The following MYO3A variants were observed in gnomAD, a reference collection of about 807,000 sequenced individuals.
MYO3A encodes myosin-IIIa.
A neutral mutation model predicts 192.7 loss-of-function variants in MYO3A; 180 were observed. The observed-to-expected ratio is 0.93, with a 90% CI of 0.83 to 1.06. The LOEUF (loss-of-function observed/expected upper bound fraction) is 1.06, where lower values mean the gene tolerates loss of function less well. Among genes scored for constraint, MYO3A ranks in the 50% least tolerant of loss-of-function variants. MYO3A has a pLI of 0.00. For missense variants in MYO3A, 1,896 were observed against 1,905.0 expected (o/e 1.00, Z 0.09); for synonymous variants, 628 against 645.3 (o/e 0.97, Z 0.41).
At chr10:26,044,334 C>T (rs561558175) in intron 10 of MYO3A, among the ~76,000 whole-genome samples, 3 of 152,358 alleles carry the variant, frequency 2.0e-5, no homozygotes, top group Admixed American at 6.5e-5. Flanking sequence ...GAGCCCAGTT[C>T]AGCAGTAGGA....
chr10:26,084,630 A>C (rs1836189898), intron 14 of MYO3A, among the ~76,000 whole-genome samples: 1 of 152,136 alleles, frequency 6.6e-6, no homozygotes, highest in Non-Finnish European at 1.5e-5. Context: ...CAGCCTTCCA[A>C]GTAGCTGGGA....
At chr10:26,205,427 G>A (rs147232280) in intron 34 of MYO3A, among the ~76,000 whole-genome samples, 1 of 143,794 alleles carries the variant, frequency 7.0e-6, no homozygotes, top group East Asian at 2.1e-4. Flanking sequence ...CAGTGCCCTG[G>A]TAACTACTAT....
chr10:26,124,879 G>T (rs914058476), intron 18 of MYO3A, among the ~76,000 whole-genome samples: 11 of 152,146 alleles, frequency 7.2e-5, no homozygotes, highest in African/African-American at 2.7e-4. Context: ...GTACATGAAT[G>T]TCAAGTATAA....
chr10:26,195,665 G>A (rs1032766487), intron 32 of MYO3A, among the ~76,000 whole-genome samples: 3 of 152,030 alleles, frequency 2.0e-5, no homozygotes, highest in African/African-American at 4.8e-5. Flanking sequence ...AATTGTCCAC[G>A]AACATTTGTC....
chr10:26,019,834 G>A (rs185420797), intron 7 of MYO3A, among the ~76,000 whole-genome samples: 6 of 152,210 alleles, frequency 3.9e-5, no homozygotes, highest in Admixed American at 1.3e-4. Flanking sequence ...TTGTTATTAT[G>A]AGCAATATTC....
At chr10:26,061,811 A>G (rs12769263) in intron 10 of MYO3A, among the ~76,000 whole-genome samples, 71,839 of 151,934 alleles carry the variant, frequency 0.47, 17,839 homozygotes, top group Middle Eastern at 0.59. Context: ...TCCACTCCCT[A>G]TCGTTCTCCA....
chr10:26,066,430 T>A (rs1399220848), intron 10 of MYO3A, among the ~76,000 whole-genome samples: 2 of 152,226 alleles, frequency 1.3e-5, no homozygotes, highest in Admixed American at 6.5e-5. Context: ...TAAATCAAGA[T>A]CTTTATGCTG....
intron 14 of MYO3A, among the ~76,000 whole-genome samples, chr10:26,075,959 C>T (rs984600264): frequency 2.6e-5 from 4 of 151,486 alleles, no homozygotes; most frequent in Admixed American, 6.6e-5. Flanking sequence ...TATAAACAGG[C>T]GTGTGCAAGT....
intron 4 of MYO3A, among the ~76,000 whole-genome samples, chr10:25,978,714 A>C (rs1314119294): frequency 6.6e-6 from 1 of 152,218 alleles, no homozygotes; most frequent in Non-Finnish European, 1.5e-5. Context: ...TATGTAGGAA[A>C]TTACTATCTT....
chr10:26,113,314 C>CA (rs1838304098), intron 17 of MYO3A, among the ~76,000 whole-genome samples: 1 of 151,656 alleles, frequency 6.6e-6, no homozygotes, highest in African/African-American at 2.4e-5. Context: ...TTTTAAAATA[C>CA]AAAAAATTAG....
chr10:26,039,988 T>A (rs1343729787), intron 10 of MYO3A, among the ~76,000 whole-genome samples: 2 of 152,024 alleles, frequency 1.3e-5, no homozygotes, highest in Non-Finnish European at 2.9e-5. Context: ...AGTTTTTTTT[T>A]AATTTTTGAT....
At chr10:25,955,561 C>T (rs933737341) in intron 4 of MYO3A, among the ~76,000 whole-genome samples, 3 of 152,136 alleles carry the variant, frequency 2.0e-5, no homozygotes, top group Admixed American at 2.0e-4. Flanking sequence ...CCTTTCCAAT[C>T]CTGAGAGTAG....
At chr10:26,070,016 T>A in intron 12 of MYO3A, 95 bp from the exon 13 acceptor site, 1 of 852,118 alleles carries the variant, frequency 1.2e-6, no homozygotes, top group South Asian at 1.6e-5. Context: ...TTTTTATTTA[T>A]ACTTTGCTTT....
intron 20 of MYO3A, among the ~76,000 whole-genome samples, chr10:26,131,878 T>C (rs1391344320): frequency 6.6e-6 from 1 of 152,232 alleles, no homozygotes; most frequent in Non-Finnish European, 1.5e-5. Context: ...AGAAGTATAG[T>C]TGTAATTATT....
chr10:26,029,617 G>A (rs544604202), intron 10 of MYO3A, among the ~76,000 whole-genome samples: 1 of 152,054 alleles, frequency 6.6e-6, no homozygotes, highest in South Asian at 2.1e-4. Context: ...TTCTTACTTG[G>A]TGAGTGGTTT....
At chr10:26,065,415 C>G (rs796474718) in intron 10 of MYO3A, among the ~76,000 whole-genome samples, 5 of 151,816 alleles carry the variant, frequency 3.3e-5, no homozygotes, top group African/African-American at 1.2e-4. Flanking sequence ...GAAACCCTGT[C>G]ACTATTAAAA....
chr10:26,109,969 C>T (rs1438186330), intron 17 of MYO3A, among the ~76,000 whole-genome samples: 2 of 152,020 alleles, frequency 1.3e-5, no homozygotes, highest in Non-Finnish European at 2.9e-5. Flanking sequence ...AATGAGTTCC[C>T]CCAAAGAGTT....
rs1564644092 is a variant in MYO3A, at chr10:26,203,009, T to C, written c.4632T>C (p.Phe1544=). The C allele has an allele frequency of 6.2e-7, 1 of 1,613,818 alleles. No homozygotes were observed. The highest frequency in any genetic ancestry group is 1.7e-5 in the Admixed American group (1 of 60,012). The change falls in exon 34 of 35, where the codon TTT becomes TTC. Residue 1544 remains phenylalanine (F), a synonymous_variant. Transcript: ENST00000642920. The stretch of plus-strand genomic sequence containing the variant: ...TGGAAGATTTCTATTATAAGGAATT[T>C]TTGCCCAGTCGTTCTGGACCAAAGG... ...LDLEDFYYKE[F]LPSRSGPKEH...
rs999199889 is a variant in MYO3A, at chr10:26,046,810, C to T, written c.954-20165C>T. 5.9e-5 allele frequency among the ~76,000 whole-genome samples: 9 copies of T among 152,328 alleles called. No individual in the cohort carries two copies. The East Asian group carries it at 1.5e-3, about 26-fold the overall frequency. ...AAGGATGAGATCGTAACATGATTCT[C>T]TGAAGTTCACGTGGAATCATTTATT... On this transcript the variant is annotated intron_variant, in intron 10 of 34. Coordinates refer to ENST00000642920, the MANE Select transcript of MYO3A (RefSeq NM_017433.5).
Sources: gnomAD v4.1 joint callset for allele counts (sites outside exome capture counted in the v4.1 genomes callset) on GRCh38, gnomAD v4.1.1 for gene constraint, MANE v1.5 for transcripts, NCBI Gene and HGNC (gene_info 2026-07-23, HGNC 2026-07-21) for gene names.